Variants in SHLD2 observed in about 807,000 individuals in gnomAD.
SHLD2 encodes the protein RINN1-REV7-interacting novel NHEJ regulator 2.
SHLD2 carries 30 observed loss-of-function variants against 73.2 expected under a neutral mutation model. The observed-to-expected ratio is 0.41, with a 90% CI of 0.31 to 0.56. The LOEUF is 0.56. Among genes scored for constraint, SHLD2 ranks in the 20% least tolerant of loss-of-function variants. The pLI is 0.28. For synonymous variants in SHLD2, 285 were observed against 370.1 expected (o/e 0.77, Z 2.64); for missense variants, 745 against 1,055.9 (o/e 0.71, Z 4.08).
At chr10:87,154,651 G>A (rs961600799) in intron 3 of SHLD2, among the ~76,000 whole-genome samples, 1 of 152,082 alleles carries the variant, frequency 6.6e-6, no homozygotes, top group Non-Finnish European at 1.5e-5. Flanking sequence ...AAAATGCTAG[G>A]ATTACAAGTG....
At chr10:87,121,286 A>G (rs1272284230) in intron 2 of SHLD2, among the ~76,000 whole-genome samples, 4 of 151,606 alleles carry the variant, frequency 2.6e-5, no homozygotes, top group Non-Finnish European at 2.9e-5. Flanking sequence ...CACTATGCCT[A>G]GCTAATTTTT....
intron 2 of SHLD2, among the ~76,000 whole-genome samples, chr10:87,143,108 A>AT (rs1845326743): frequency 1.3e-5 from 2 of 149,600 alleles, no homozygotes; most frequent in Admixed American, 1.3e-4. Flanking sequence ...TTTTTTTTTA[A>AT]TTTTTTGTAG....
intron 8 of SHLD2, among the ~76,000 whole-genome samples, chr10:87,183,113 A>G (rs2134722804): frequency 6.6e-6 from 1 of 152,316 alleles, no homozygotes; most frequent in African/African-American, 2.4e-5. Flanking sequence ...TTGACTAGAG[A>G]GGAAGTGGTA....
At chr10:87,157,003 T>C (rs1057438014) in intron 3 of SHLD2, among the ~76,000 whole-genome samples, 1 of 152,060 alleles carries the variant, frequency 6.6e-6, no homozygotes, top group African/African-American at 2.4e-5. Flanking sequence ...TGGTGGGGCA[T>C]GGGCACATTT....
chr10:87,100,447 T>G (rs1160573588), intron 2 of SHLD2, among the ~76,000 whole-genome samples: 1 of 152,086 alleles, frequency 6.6e-6, no homozygotes, highest in African/African-American at 2.4e-5. Flanking sequence ...ATGTCTATCC[T>G]TATATCAGTA....
intron 2 of SHLD2, among the ~76,000 whole-genome samples, chr10:87,139,347 A>AAAAGC (rs1214249001): frequency 2.0e-5 from 3 of 152,232 alleles, no homozygotes; most frequent in Non-Finnish European, 4.4e-5. Flanking sequence ...AGAATACAGT[A>AAAAGC]AAAGCCAGCA....
intron 2 of SHLD2, among the ~76,000 whole-genome samples, chr10:87,121,649 C>T (rs1344617487): frequency 1.3e-5 from 2 of 151,980 alleles, no homozygotes; most frequent in East Asian, 1.9e-4. Context: ...ACTCAAAGCC[C>T]GTTAAGAGCA....
chr10:87,170,764 GT>G, intron 5 of SHLD2, 75 bp from the exon 6 acceptor site: 1 of 1,598,502 alleles, frequency 6.3e-7, no homozygotes, highest in South Asian at 1.1e-5. Context: ...CACTATATAT[GT>G]ATCATCAGCT....
intron 2 of SHLD2, among the ~76,000 whole-genome samples, chr10:87,129,903 G>A (rs947520469): frequency 6.6e-6 from 1 of 152,084 alleles, no homozygotes; most frequent in Non-Finnish European, 1.5e-5. Context: ...TTACAGTGTA[G>A]TATCTTCTGT....
At chr10:87,164,941 C>T (rs551576714) in intron 4 of SHLD2, among the ~76,000 whole-genome samples, 137 of 152,024 alleles carry the variant, frequency 9.0e-4, no homozygotes, top group African/African-American at 3.2e-3. Context: ...AATCCCAGCA[C>T]TTTGGGAGGC....
At chr10:87,188,813 G>T (rs1312964312) in intron 9 of SHLD2, among the ~76,000 whole-genome samples, 1 of 152,064 alleles carries the variant, frequency 6.6e-6, no homozygotes, top group Non-Finnish European at 1.5e-5. Flanking sequence ...TCAAGAAAAT[G>T]ATGATTTGAT....
At chr10:87,169,983 C>T (rs140718175) in intron 4 of SHLD2, among the ~76,000 whole-genome samples, 1,941 of 152,174 alleles carry the variant, frequency 0.013, 30 homozygotes, top group Middle Eastern at 0.071. Flanking sequence ...TTGGTGAGGA[C>T]GGAGGCCTCG....
intron 2 of SHLD2, among the ~76,000 whole-genome samples, chr10:87,115,894 T>C (rs1843226004): frequency 1.3e-5 from 2 of 151,356 alleles, no homozygotes; most frequent in Non-Finnish European, 2.9e-5. Flanking sequence ...GAAGGAGGAG[T>C]AGGAATTATC....
At position 87,152,511 on chromosome 10, in the gene SHLD2, T is replaced by G. The variant is rs917726466; in HGVS notation, c.1157T>G (p.Val386Gly). The change falls in exon 3 of 10, where the codon GTG becomes GGG. Residue 386 changes from valine to glycine, a missense_variant. Coordinates refer to ENST00000298786, the MANE Select transcript of SHLD2 (RefSeq NM_001330112.2). ...AGAAGCTGTACCTCTGAAGATAAAG[T>G]GGGCCAGTCTGAAGCTCTATCTAGA... ...IKRSCTSEDK[V>G]GQSEALSRVL... 1.2e-6 allele frequency: 2 copies of G among 1,611,806 alleles called. No homozygotes were observed. The highest frequency in any genetic ancestry group is 2.7e-5 in the African/African-American group (2 of 74,834).
At chr10:87,181,457 G>A (rs1203069925) in intron 8 of SHLD2, among the ~76,000 whole-genome samples, 2 of 152,162 alleles carry the variant, frequency 1.3e-5, no homozygotes, top group Non-Finnish European at 2.9e-5. Context: ...CCCCTCAAAA[G>A]TATGTATAGG....
At chr10:87,127,536 C>CCTCCG (rs1372826390) in intron 2 of SHLD2, among the ~76,000 whole-genome samples, 1 of 65,256 alleles carries the variant, frequency 1.5e-5, no homozygotes, top group Non-Finnish European at 3.2e-5. Flanking sequence ...CCCGCCCCCC[C>CCTCCG]CCACCCCGTC....
Position 87,152,287 on chromosome 10 carries a change from A to C in SHLD2, c.933A>C (p.Glu311Asp), listed in dbSNP as rs1360731276. The change falls in exon 3 of 10, where the codon GAA becomes GAC. Residue 311 changes from glutamate to aspartate, a missense_variant. Physicochemically the swap from Glu to Asp is conservative, Grantham distance 45. Coordinates refer to ENST00000298786, the MANE Select transcript of SHLD2 (RefSeq NM_001330112.2). ...ESGQNQAYSL[E>D]LFSPVCPKTE... ...GACAAAACCAAGCATATTCCCTTGAACTTTTTAGTCCTGTTTGTCCTAAAA... is the reference window on the plus strand; with the variant it reads ...GACAAAACCAAGCATATTCCCTTGACCTTTTTAGTCCTGTTTGTCCTAAAA... The C allele has an allele frequency of 6.6e-6, 10 of 1,504,078 alleles. No homozygotes were observed. Among genetic ancestry groups the C allele is most frequent in the Non-Finnish European group, 9.1e-6 (10 of 1,101,800 alleles). 93.2% of individuals were successfully genotyped at this position (1,504,078 alleles called of 1,614,324 possible).
In SHLD2 at chr10:87,098,267, A is replaced by G. The variant is rs188177798; in HGVS notation, c.-6+1278A>G. ...GGTGGCTCATACCTGTAATCCCAGC[A>G]CTTTGGGAGGCTGAGGCGGGCGGAT... On this transcript the variant is annotated intron_variant, in intron 2 of 9. Transcript: ENST00000298786. Among the ~76,000 whole-genome samples, 380 of 152,118 alleles carry G rather than the reference A, an allele frequency of 2.5e-3. 4 individuals are homozygous for G. The Middle Eastern group carries it at 0.044, about 18-fold the overall frequency.
chr10:87,166,246 A>G (rs1020155494), intron 4 of SHLD2, among the ~76,000 whole-genome samples: 8 of 151,930 alleles, frequency 5.3e-5, no homozygotes, highest in African/African-American at 9.7e-5. Context: ...GATGGTTTAC[A>G]TACCTTTTCC....
Sources: gnomAD v4.1 joint callset for allele counts (sites outside exome capture counted in the v4.1 genomes callset) on GRCh38, gnomAD v4.1.1 for gene constraint, MANE v1.5 for transcripts, NCBI Gene and HGNC (gene_info 2026-07-23, HGNC 2026-07-21) for gene names.